The following AKAP7 variants were observed in gnomAD, a reference collection of about 807,000 sequenced individuals.
AKAP7 encodes the protein A-kinase anchoring protein 7.
Under a neutral mutation model 39.5 loss-of-function variants are expected in AKAP7, and 39 were observed. The observed-to-expected ratio is 0.99, with a 90% CI of 0.76 to 1.29. AKAP7 has a LOEUF of 1.29. Ranked by LOEUF, AKAP7 falls within the 50% of genes most tolerant of loss-of-function variation. AKAP7 has a pLI of 0.00. For missense variants in AKAP7, 414 were observed against 407.7 expected, an observed-to-expected ratio of 1.02 and a Z score of -0.13; for synonymous variants, 140 against 139.1, an observed-to-expected ratio of 1.01 and a Z score of -0.05.
chr6:131,258,130 A>G (rs1813014688), intron 7 of AKAP7, among the ~76,000 whole-genome samples: 1 of 152,212 alleles, frequency 6.6e-6, no homozygotes, highest in African/African-American at 2.4e-5. Context: ...AATGAAATGT[A>G]GCCTTAAGTC....
intron 1 of AKAP7, among the ~76,000 whole-genome samples, chr6:131,137,199 G>A (rs1242969535): frequency 2.6e-5 from 4 of 151,952 alleles, no homozygotes; most frequent in East Asian, 1.9e-4. Context: ...CTGGGCTCAA[G>A]CAGTCCTTCT....
the AKAP7 span, among the ~76,000 whole-genome samples, chr6:131,126,315 C>T: frequency 1.3e-5 from 2 of 152,276 alleles, no homozygotes; most frequent in African/African-American, 4.8e-5. Context: ...TTACTAATTA[C>T]AATATTCCTT....
intron 3 of AKAP7, chr6:131,164,410 TGA>T (rs1331992926): frequency 4.4e-6 from 2 of 455,678 alleles, no homozygotes; most frequent in Non-Finnish European, 8.8e-6. Flanking sequence ...GAGCAGGTGC[TGA>T]GAGAGGAAGG....
intron 5 of AKAP7, among the ~76,000 whole-genome samples, chr6:131,199,122 CT>C (rs1410253208): frequency 3.3e-5 from 5 of 152,110 alleles, no homozygotes; most frequent in African/African-American, 1.2e-4. Flanking sequence ...TAAGCTAGTC[CT>C]TTTTTATACT....
intron 5 of AKAP7, among the ~76,000 whole-genome samples, chr6:131,183,848 G>A (rs1805538460): frequency 6.6e-6 from 1 of 152,118 alleles, no homozygotes; most frequent in African/African-American, 2.4e-5. Flanking sequence ...CAGGGGCATG[G>A]AAAGCTCCTT....
intron 7 of AKAP7, among the ~76,000 whole-genome samples, chr6:131,262,175 A>G (rs754424086): frequency 2.6e-5 from 4 of 152,200 alleles, no homozygotes; most frequent in Non-Finnish European, 5.9e-5. Context: ...GCCATCTGCT[A>G]TTGGAACCAG....
rs1356354117 is a variant in AKAP7, at chr6:131,203,938, A to G, written c.702+4365A>G. 7.2e-5 allele frequency among the ~76,000 whole-genome samples: 11 copies of G among 152,304 alleles called. No individual in the cohort carries two copies. In the East Asian group the frequency reaches 2.1e-3, roughly 29 times the overall value. Reference sequence around the variant, plus strand: ...CAATTCTTTGAAGTGGAATTCTAAGAGCAGAGGGTATTAGACATTATAAAC... The same window carrying G: ...CAATTCTTTGAAGTGGAATTCTAAGGGCAGAGGGTATTAGACATTATAAAC... On this transcript the variant is annotated intron_variant, in intron 6 of 7. Transcript: ENST00000431975.
chr6:131,271,716 G>A (rs1265176260), intron 7 of AKAP7, among the ~76,000 whole-genome samples: 3 of 151,988 alleles, frequency 2.0e-5, no homozygotes, highest in Non-Finnish European at 4.4e-5. Flanking sequence ...TTACAAATGG[G>A]AAAAGTACAG....
intron 7 of AKAP7, among the ~76,000 whole-genome samples, chr6:131,272,069 T>A (rs1814329989): frequency 6.6e-6 from 1 of 152,206 alleles, no homozygotes; most frequent in Admixed American, 6.5e-5. Flanking sequence ...TCAGTGACTC[T>A]GGAATGTGGT....
intron 7 of AKAP7, among the ~76,000 whole-genome samples, chr6:131,270,980 T>C (rs1010062297): frequency 6.6e-6 from 1 of 152,230 alleles, no homozygotes; most frequent in Non-Finnish European, 1.5e-5. Flanking sequence ...AGTTCTTTAA[T>C]AGATAAATTT....
intron 7 of AKAP7, among the ~76,000 whole-genome samples, chr6:131,222,276 A>C (rs141152199): frequency 2.8e-4 from 42 of 152,318 alleles, no homozygotes; most frequent in African/African-American, 6.7e-4. Flanking sequence ...CTGTAATCCC[A>C]GTACTTTGGG....
At chr6:131,152,826 C>CAAAAA (rs759814910) in intron 2 of AKAP7, among the ~76,000 whole-genome samples, 3 of 39,058 alleles carry the variant, frequency 7.7e-5, no homozygotes, top group Non-Finnish European at 1.0e-4. Context: ...GACTCCATCT[C>CAAAAA]AAAAAAAAAA....
At chr6:131,134,206 A>G (rs1015459305), upstream of AKAP7, among the ~76,000 whole-genome samples, 1 of 152,186 alleles carries the variant, frequency 6.6e-6, no homozygotes, top group Non-Finnish European at 1.5e-5. Flanking sequence ...TCCTGGACTC[A>G]AGTGATCCAC....
At chr6:131,173,185 A>C (rs1172363611) in intron 5 of AKAP7, among the ~76,000 whole-genome samples, 2 of 147,336 alleles carry the variant, frequency 1.4e-5, no homozygotes, top group African/African-American at 5.0e-5. Context: ...TAGGTGACAG[A>C]GCGAGACTCC....
At chr6:131,236,295 T>C (rs567341904) in intron 7 of AKAP7, among the ~76,000 whole-genome samples, 1 of 152,204 alleles carries the variant, frequency 6.6e-6, no homozygotes, top group African/African-American at 2.4e-5. Context: ...CCATGCTGTT[T>C]TGGTTACTGT....
chr6:131,217,155 T>C (rs531664188), intron 6 of AKAP7, among the ~76,000 whole-genome samples: 36 of 152,288 alleles, frequency 2.4e-4, no homozygotes, highest in African/African-American at 8.7e-4. Flanking sequence ...CCACGCAGCC[T>C]TTTTAGCTTT....
At position 131,218,997 on chromosome 6, in the gene AKAP7, A is replaced by G. The variant is rs539842391; in HGVS notation, c.703-664A>G. 3.3e-5 allele frequency among the ~76,000 whole-genome samples: 5 copies of G among 152,188 alleles called. No homozygotes were observed. The East Asian group carries it at 7.7e-4, about 24-fold the overall frequency. On this transcript the variant is annotated intron_variant, in intron 6 of 7. Coordinates refer to ENST00000431975, the MANE Select transcript of AKAP7 (RefSeq NM_016377.4). ...AAAATGTATCTATTTCGCTGGGCGC[A>G]GTGGCCCACGTCTGTAATCCCAGCA...
chr6:131,153,283 T>A (rs1802110177), intron 2 of AKAP7, among the ~76,000 whole-genome samples: 2 of 152,168 alleles, frequency 1.3e-5, no homozygotes, highest in South Asian at 4.1e-4. Context: ...TCCCCATCTG[T>A]CATTAGGTAT....
At chr6:131,221,515 A>G (rs1303231360) in intron 7 of AKAP7, among the ~76,000 whole-genome samples, 1 of 152,220 alleles carries the variant, frequency 6.6e-6, no homozygotes, top group Non-Finnish European at 1.5e-5. Context: ...AATGTAGACA[A>G]AACAGCCTTC....
Sources: allele counts gnomAD v4.1 joint callset (sites outside exome capture counted in the v4.1 genomes callset), GRCh38; gene constraint gnomAD v4.1.1; transcripts MANE v1.5; gene names NCBI Gene and HGNC (gene_info 2026-07-23, HGNC 2026-07-21).